FREM2: variants seen among roughly 807,000 people sequenced by gnomAD.
FREM2 encodes the protein FRAS1 related extracellular matrix 2.
FREM2 carries 119 observed loss-of-function variants against 219.9 expected under a neutral mutation model. The observed-to-expected ratio is 0.54, with a 90% confidence interval of 0.47 to 0.63. FREM2 has a LOEUF of 0.63. FREM2 is among the 30% of genes least tolerant of loss of function. The probability of loss-of-function intolerance (pLI) is 0.00; values close to 1 mark genes in which losing one functional copy is unlikely to be tolerated. For missense variants in FREM2, 4,030 were observed against 3,993.6 expected (o/e 1.01, Z -0.25); for synonymous variants, 1,562 against 1,522.8 (o/e 1.03, Z -0.60).
At chr13:38,782,445 C>T (rs1010406397) in intron 4 of FREM2, among the ~76,000 whole-genome samples, 11 of 152,092 alleles carry the variant, frequency 7.2e-5, no homozygotes, top group African/African-American at 2.4e-4. Context: ...TGAAAGGGAG[C>T]CACGGAAATA....
At chr13:38,848,727 T>G in intron 8 of FREM2, 57 bp downstream of exon 8, 1 of 1,389,282 alleles carries the variant, frequency 7.2e-7, no homozygotes, top group Non-Finnish European at 1.0e-6. Flanking sequence ...AAGCTAAGGT[T>G]TATGTATATA....
At chr13:38,741,081 A>G (rs1230618471) in intron 2 of FREM2, among the ~76,000 whole-genome samples, 1 of 152,204 alleles carries the variant, frequency 6.6e-6, no homozygotes, top group African/African-American at 2.4e-5. Flanking sequence ...ATTTATCACC[A>G]TGTTACAATG....
intron 6 of FREM2, among the ~76,000 whole-genome samples, chr13:38,829,934 T>C (rs1231733807): frequency 2.0e-5 from 3 of 152,046 alleles, no homozygotes; most frequent in African/African-American, 7.2e-5. Context: ...GTTGACTAAA[T>C]ACATTACTTT....
intron 16 of FREM2, among the ~76,000 whole-genome samples, chr13:38,869,448 A>G (rs1186605697): frequency 6.6e-6 from 1 of 152,178 alleles, no homozygotes; most frequent in African/African-American, 2.4e-5. Context: ...TATTCCATGA[A>G]CACCTACTCT....
Position 38,851,855 on chromosome 13 carries a change from C to T in FREM2, c.6912C>T (p.His2304=), listed in dbSNP as rs751279385. The change falls in exon 11 of 24, where the codon CAC becomes CAT. Residue 2304 remains histidine (H), a synonymous_variant. Coordinates refer to ENST00000280481, the MANE Select transcript of FREM2 (RefSeq NM_207361.6). ...CGGCCACCTCTGGAGAAGACTACCA[C>T]CCTGTGTCAGAAGGTATGGGGCTCC... is the stretch of plus-strand genomic sequence containing the variant. ...DGSATSGEDY[H]PVSEEIEFKE... 4.3e-6 allele frequency: 7 copies of T among 1,613,748 alleles called. No homozygotes were observed. The highest frequency in any genetic ancestry group is 5.1e-6 in the Non-Finnish European group (6 of 1,179,874).
chr13:38,753,272 A>T (rs970045305), intron 2 of FREM2, among the ~76,000 whole-genome samples: 2 of 152,210 alleles, frequency 1.3e-5, no homozygotes, highest in Non-Finnish European at 2.9e-5. Context: ...ATGTATACAC[A>T]TATAATTATA....
chr13:38,803,716 G>A (rs1039478448), intron 6 of FREM2, among the ~76,000 whole-genome samples: 2 of 149,364 alleles, frequency 1.3e-5, no homozygotes, highest in African/African-American at 5.0e-5. Flanking sequence ...AAAGTGGCTT[G>A]CTTCCTGGAC....
intron 17 of FREM2, among the ~76,000 whole-genome samples, chr13:38,873,272 A>C (rs1878228646): frequency 6.6e-6 from 1 of 152,226 alleles, no homozygotes; most frequent in Non-Finnish European, 1.5e-5. Flanking sequence ...GGAAGCTCCA[A>C]CGAAAGCAAG....
chr13:38,885,349 C>T lies in FREM2; in HGVS notation c.*4562C>T, dbSNP rs1878691541. 2 of 152,096 alleles carry T rather than the reference C, an allele frequency of 1.3e-5. No homozygotes were observed. The highest frequency in any genetic ancestry group is 4.8e-5 in the African/African-American group (2 of 41,442). The allele number at this position is 152,096 out of a possible 1,614,324, so 9.4% of individuals were successfully genotyped here. A position where few individuals can be genotyped will look rare whatever the true frequency, so the allele number is the denominator to read the frequency against. ...TGAACAGCAGTAATAGCTCCTTAGACACTCAGTATCTTTCTTCCCTATCTT... is the reference window on the plus strand; with the variant it reads ...TGAACAGCAGTAATAGCTCCTTAGATACTCAGTATCTTTCTTCCCTATCTT... On this transcript the variant is annotated 3_prime_UTR_variant, in exon 24 of 24. Coordinates refer to ENST00000280481, the MANE Select transcript of FREM2 (RefSeq NM_207361.6).
At position 38,691,489 on chromosome 13, in the gene FREM2, A is replaced by T. The variant is rs1187878397; in HGVS notation, c.4145A>T (p.Tyr1382Phe). ...QDEVDRNLIQ[Y>F]VHLGQEGIRD... ...GAAGTAGACAGAAACTTAATTCAGT[A>T]TGTCCATTTGGGGCAAGAGGGCATT... The change falls in exon 1 of 24, where the codon TAT becomes TTT. Residue 1382 changes from tyrosine to phenylalanine, a missense_variant. Around this residue, in one of 2 missense-constraint regions of FREM2, gnomAD observed 3,102 missense variants for 2,950.7 expected, o/e 1.05. Coordinates refer to ENST00000280481, the MANE Select transcript of FREM2 (RefSeq NM_207361.6). The T allele has an allele frequency of 6.2e-7, 1 of 1,614,002 alleles. No individual in the cohort carries two copies. Among genetic ancestry groups the T allele is most frequent in the Admixed American group, 1.7e-5 (1 of 60,004 alleles).
rs746476198 is a variant in FREM2, at chr13:38,850,099, T to C, written c.6441T>C (p.Val2147=). 1 of 1,614,036 alleles carries C rather than the reference T, an allele frequency of 6.2e-7. No homozygotes were observed. ...YTGSESDGQI[V]TMIHRTGDVQ... Reference sequence around the variant, plus strand: ...GCAGCGAAAGTGATGGGCAGATAGTTACAATGATCCATAGGACTGGGGATG... The same window carrying C: ...GCAGCGAAAGTGATGGGCAGATAGTCACAATGATCCATAGGACTGGGGATG... The change falls in exon 9 of 24, where the codon GTT becomes GTC. Residue 2147 remains valine, a synonymous_variant. Coordinates refer to ENST00000280481, the MANE Select transcript of FREM2 (RefSeq NM_207361.6).
intron 6 of FREM2, among the ~76,000 whole-genome samples, chr13:38,826,732 A>AT (rs991833502): frequency 6.6e-5 from 10 of 152,086 alleles, no homozygotes; most frequent in African/African-American, 2.4e-4. Flanking sequence ...AATCACCCTC[A>AT]TGTCACAGTC....
intron 4 of FREM2, among the ~76,000 whole-genome samples, chr13:38,775,258 C>A (rs1217269181): frequency 6.6e-6 from 1 of 152,102 alleles, no homozygotes; most frequent in African/African-American, 2.4e-5. Flanking sequence ...AGGTCACTGG[C>A]TAGCTGATAT....
At chr13:38,844,445 T>A (rs545327018) in intron 6 of FREM2, among the ~76,000 whole-genome samples, 11 of 152,324 alleles carry the variant, frequency 7.2e-5, no homozygotes, top group African/African-American at 2.6e-4. Flanking sequence ...CCATATTTTT[T>A]CTTATAAAAA....
chr13:38,836,881 T>A (rs1566160705), intron 6 of FREM2, among the ~76,000 whole-genome samples: 1 of 152,074 alleles, frequency 6.6e-6, no homozygotes, highest in Non-Finnish European at 1.5e-5. Context: ...TTTGTTAATA[T>A]TTTCCAAAAG....
At chr13:38,811,380 C>T (rs1249750902) in intron 6 of FREM2, among the ~76,000 whole-genome samples, 2 of 152,072 alleles carry the variant, frequency 1.3e-5, no homozygotes, top group East Asian at 3.9e-4. Context: ...AGTTATTGAA[C>T]ATGAATTATT....
chr13:38,698,595 A>C (rs1175143266), intron 2 of FREM2, among the ~76,000 whole-genome samples: 2 of 152,164 alleles, frequency 1.3e-5, no homozygotes, highest in Non-Finnish European at 2.9e-5. Context: ...CCCCTAGTAC[A>C]TGTGTTGTGT....
rs542790037 is a variant in FREM2 at position 38,716,204 on chromosome 13, A to G, written c.5263+18417A>G. Reference sequence around the variant, plus strand: ...TAGAAGCTTTCTTTTCTCACCCATGACAAAGACCTTTACAGAGGTCTACTA... The same window carrying G: ...TAGAAGCTTTCTTTTCTCACCCATGGCAAAGACCTTTACAGAGGTCTACTA... On this transcript the variant is annotated intron_variant, in intron 2 of 23. Transcript: ENST00000280481. 6.6e-5 allele frequency among the ~76,000 whole-genome samples: 10 copies of G among 152,274 alleles called. No individual in the cohort carries two copies. In the Middle Eastern group the frequency reaches 0.01, roughly 155 times the overall value.
chr13:38,705,077 C>T (rs1431234692), intron 2 of FREM2, among the ~76,000 whole-genome samples: 6 of 152,130 alleles, frequency 3.9e-5, no homozygotes, highest in Non-Finnish European at 8.8e-5. Flanking sequence ...AGAAAGGGAG[C>T]ATTGTGTTCC....
Sources: gnomAD v4.1 joint callset for allele counts (sites outside exome capture counted in the v4.1 genomes callset) on GRCh38, gnomAD v4.1.1 for gene constraint, gnomAD v4.1.1 regional missense constraint, MANE v1.5 for transcripts, NCBI Gene and HGNC (gene_info 2026-07-23, HGNC 2026-07-21) for gene names.